TNR: variants seen among roughly 807,000 people sequenced by gnomAD.
The protein encoded by TNR is tenascin R, also known as tenascin-R.
TNR carries 45 observed loss-of-function variants against 150.4 expected under a neutral mutation model. The ratio of observed to expected loss-of-function variants is 0.30; its 90% CI spans 0.24 to 0.38. The LOEUF (loss-of-function observed/expected upper bound fraction) is 0.38. Among genes scored for constraint, TNR ranks in the 10% least tolerant of loss-of-function variants. The pLI is 1.00. For synonymous variants in TNR, 687 were observed against 678.4 expected, an observed-to-expected ratio of 1.01 and a Z score of -0.20; for missense variants, 1,544 against 1,759.1, an observed-to-expected ratio of 0.88 and a Z score of 2.19.
At chr1:175,708,511 T>G (rs1411160059) in intron 1 of TNR, among the ~76,000 whole-genome samples, 1 of 152,176 alleles carries the variant, frequency 6.6e-6, no homozygotes, top group African/African-American at 2.4e-5. Flanking sequence ...TTCCACACAC[T>G]TTTGGGTTTA....
At chr1:175,700,435 C>T (rs1209004046) in intron 1 of TNR, among the ~76,000 whole-genome samples, 1 of 152,158 alleles carries the variant, frequency 6.6e-6, no homozygotes, top group Non-Finnish European at 1.5e-5. Context: ...GCTTTTTAGC[C>T]CTTTGCTAAG....
At chr1:175,553,817 A>AACACAC (rs58714689) in intron 1 of TNR, among the ~76,000 whole-genome samples, 1,713 of 145,470 alleles carry the variant, frequency 0.012, 34 homozygotes, top group African/African-American at 0.037. Context: ...TACAAGAACA[A>AACACAC]ACACACACAC....
chr1:175,535,660 C>A (rs894748220), intron 1 of TNR, among the ~76,000 whole-genome samples: 1 of 150,592 alleles, frequency 6.6e-6, no homozygotes, highest in Non-Finnish European at 1.5e-5. Flanking sequence ...TTAGTAGAGA[C>A]GGGGTCTCAC....
intron 1 of TNR, among the ~76,000 whole-genome samples, chr1:175,557,802 G>A (rs368904924): frequency 7.6e-6 from 1 of 132,018 alleles, no homozygotes; most frequent in Non-Finnish European, 1.6e-5. Context: ...AAATCATGCT[G>A]CTATAAAGAC....
chr1:175,326,288 C>T (rs1649388800), intron 21 of TNR, among the ~76,000 whole-genome samples: 1 of 152,050 alleles, frequency 6.6e-6, no homozygotes, highest in Admixed American at 6.6e-5. Flanking sequence ...GTGAAGGGGG[C>T]TCATGCTACT....
chr1:175,344,789 T>C (rs528475677), intron 18 of TNR, among the ~76,000 whole-genome samples: 3 of 152,196 alleles, frequency 2.0e-5, no homozygotes, highest in African/African-American at 7.2e-5. Context: ...AGAATAAAAA[T>C]CATCAATTTT....
intron 2 of TNR, among the ~76,000 whole-genome samples, chr1:175,432,653 G>T (rs1655328111): frequency 6.6e-6 from 1 of 151,416 alleles, no homozygotes; most frequent in South Asian, 2.1e-4. Flanking sequence ...TTCAAGGCTT[G>T]CTCCTCTTGC....
chr1:175,721,668 A>G (rs1334912010), intron 1 of TNR, among the ~76,000 whole-genome samples: 1 of 151,780 alleles, frequency 6.6e-6, no homozygotes, highest in Non-Finnish European at 1.5e-5. Context: ...ACTTCTGCAC[A>G]CCCCTAAGTC....
rs773822782 is a variant in TNR at position 175,330,217 on chromosome 1, C to A, written c.3650G>T (p.Arg1217Met). 5.0e-6 allele frequency: 8 copies of A among 1,600,354 alleles called. No individual in the cohort carries two copies. The highest frequency in any genetic ancestry group is 5.1e-6 in the Non-Finnish European group (6 of 1,169,978). The change falls in exon 21 of 23, where the codon AGG becomes ATG. Residue 1217 changes from arginine (R) to methionine (M), a missense_variant. Coordinates refer to ENST00000367674, the MANE Select transcript of TNR (RefSeq NM_003285.3). ...CTCATAGCGGCCCTGGGATGTGATC[C>A]TGTGTATATTGTCCAGCCCTGTGGA... is the stretch of plus-strand genomic sequence containing the variant. The part of the protein sequence containing the change: ...EFWLGLDNIH[R>M]ITSQGRYELR...
rs376851801 is a variant in TNR, at chr1:175,741,094, C to A, written c.-165+2132G>T. Reference sequence around the variant, plus strand: ...CTTCTGGCTGATTCTCATTCTTCACCAGAGAGAGGCCATTGCTCCACACTG... The same window carrying A: ...CTTCTGGCTGATTCTCATTCTTCACAAGAGAGAGGCCATTGCTCCACACTG... On this transcript the variant is annotated intron_variant, in intron 1 of 22. Coordinates refer to ENST00000367674, the MANE Select transcript of TNR (RefSeq NM_003285.3). Among the ~76,000 whole-genome samples, 3 of 152,324 alleles carry A rather than the reference C, an allele frequency of 2.0e-5. No homozygotes were observed. The East Asian group carries it at 5.8e-4, about 29-fold the overall frequency.
intron 1 of TNR, among the ~76,000 whole-genome samples, chr1:175,555,242 A>T (rs533677503): frequency 6.6e-6 from 1 of 152,112 alleles, no homozygotes; most frequent in East Asian, 1.9e-4. Flanking sequence ...ATACATACAG[A>T]GGGGAAAAAT....
chr1:175,583,537 G>T (rs1223659053), intron 1 of TNR, among the ~76,000 whole-genome samples: 1 of 152,162 alleles, frequency 6.6e-6, no homozygotes, highest in Non-Finnish European at 1.5e-5. Flanking sequence ...ACTAACAGGG[G>T]GCTAGCAGGT....
At chr1:175,640,236 G>C (rs1442411277) in intron 1 of TNR, among the ~76,000 whole-genome samples, 1 of 152,250 alleles carries the variant, frequency 6.6e-6, no homozygotes, top group Non-Finnish European at 1.5e-5. Flanking sequence ...CACAGAATAA[G>C]AGTATCCAAG....
chr1:175,627,564 G>T (rs754769246), intron 1 of TNR, among the ~76,000 whole-genome samples: 1 of 152,164 alleles, frequency 6.6e-6, no homozygotes, highest in African/African-American at 2.4e-5. Flanking sequence ...ATGGCATAAT[G>T]ATACTCATCA....
intron 2 of TNR, among the ~76,000 whole-genome samples, chr1:175,457,753 T>C (rs1656629767): frequency 6.6e-6 from 1 of 152,360 alleles, no homozygotes; most frequent in African/African-American, 2.4e-5. Flanking sequence ...CAATATTACA[T>C]TCAATAGCTA....
At chr1:175,341,973 A>G (rs1650541475) in intron 18 of TNR, among the ~76,000 whole-genome samples, 1 of 152,258 alleles carries the variant, frequency 6.6e-6, no homozygotes, top group Non-Finnish European at 1.5e-5. Flanking sequence ...TGCTCAGCCC[A>G]CATGGGGTGA....
chr1:175,701,388 A>G (rs1159576069), intron 1 of TNR, among the ~76,000 whole-genome samples: 1 of 151,182 alleles, frequency 6.6e-6, no homozygotes, highest in Admixed American at 6.6e-5. Flanking sequence ...TCTCCTAAAA[A>G]CAAACAAACA....
chr1:175,420,945 A>G (rs111863970), intron 2 of TNR, among the ~76,000 whole-genome samples: 5,540 of 152,300 alleles, frequency 0.036, 227 homozygotes, highest in African/African-American at 0.099. Context: ...ATAAAGGTGC[A>G]GGTTTATTTA....
intron 2 of TNR, among the ~76,000 whole-genome samples, chr1:175,431,504 T>A (rs1200424193): frequency 6.6e-6 from 1 of 152,282 alleles, no homozygotes; most frequent in East Asian, 1.9e-4. Flanking sequence ...TCCTCTTCTC[T>A]CCCTTCTATG....
Sources: gnomAD v4.1 joint callset for allele counts (sites outside exome capture counted in the v4.1 genomes callset) on GRCh38, gnomAD v4.1.1 for gene constraint, MANE v1.5 for transcripts, NCBI Gene and HGNC (gene_info 2026-07-23, HGNC 2026-07-21) for gene names.